SCAI: variants seen among roughly 807,000 people sequenced by gnomAD.
SCAI encodes the protein protein SCAI.
In SCAI, 24 loss-of-function variants were observed where a neutral mutation model predicts 92.2. The observed-to-expected ratio is 0.26, with a 90% CI of 0.19 to 0.37. The LOEUF is 0.37. Among genes scored for constraint, SCAI ranks in the 10% least tolerant of loss-of-function variants. The pLI is 1.00. For synonymous variants in SCAI, 261 were observed against 258.6 expected (o/e 1.01, Z -0.09); for missense variants, 450 against 736.2 (o/e 0.61, Z 4.50).
intron 2 of SCAI, among the ~76,000 whole-genome samples, chr9:125,067,355 T>C (rs1434677029): frequency 6.6e-6 from 1 of 152,070 alleles, no homozygotes; most frequent in Admixed American, 6.6e-5. Flanking sequence ...GAGTGGGCCC[T>C]GAACACAATG....
intron 2 of SCAI, among the ~76,000 whole-genome samples, chr9:125,120,497 A>G (rs1300523203): frequency 6.6e-6 from 1 of 152,196 alleles, no homozygotes; most frequent in African/African-American, 2.4e-5. Flanking sequence ...GTTCGAGACC[A>G]GCCTGGCCAA....
In SCAI at chr9:125,130,046, C is replaced by T. The variant is rs936746726; in HGVS notation, c.98+12587G>A. Among the ~76,000 whole-genome samples, 3 of 151,600 alleles carry T rather than the reference C, an allele frequency of 2.0e-5. No homozygotes were observed. In the South Asian group the frequency reaches 6.3e-4, roughly 32 times the overall value. On this transcript the variant is annotated intron_variant, in intron 2 of 17. Transcript: ENST00000336505. ...CCCGAGTAGCTGGGATTATAGGCGC[C>T]CACCACCACGCCCAGCTAATTTTTG...
chr9:125,009,605 A>C (rs1169755250), intron 9 of SCAI, among the ~76,000 whole-genome samples: 1 of 152,112 alleles, frequency 6.6e-6, no homozygotes, highest in Non-Finnish European at 1.5e-5. Context: ...TAGAAGAGGA[A>C]AAAGAGCATA....
intron 14 of SCAI, among the ~76,000 whole-genome samples, chr9:124,992,074 G>A (rs1020135069): frequency 1.1e-4 from 17 of 151,902 alleles, no homozygotes; most frequent in African/African-American, 3.4e-4. Context: ...ACAAAAACAT[G>A]CCTGGCTAAT....
Position 124,956,560 on chromosome 9 carries a change from A to G in SCAI, c.1675-3607T>C, listed in dbSNP as rs76870062. ...ATCAATTAATGTTATTCACTCCATT[A>G]ACAGAATATATTAGATCAGTAGATG... On this transcript the variant is annotated intron_variant, in intron 17 of 17. Transcript: ENST00000336505. Among the ~76,000 whole-genome samples, 1,121 of 152,290 alleles carry G rather than the reference A, an allele frequency of 7.4e-3. 2 individuals are homozygous for G. The highest frequency in any genetic ancestry group is 0.011 in the Non-Finnish European group (768 of 68,014).
chr9:125,101,661 T>C (rs989644089), intron 2 of SCAI, among the ~76,000 whole-genome samples: 4 of 152,144 alleles, frequency 2.6e-5, no homozygotes, highest in African/African-American at 9.7e-5. Context: ...GGGAATGGTA[T>C]AGGCTGGAGT....
At chr9:125,055,665 G>A (rs1833646315) in intron 3 of SCAI, among the ~76,000 whole-genome samples, 1 of 152,100 alleles carries the variant, frequency 6.6e-6, no homozygotes, top group Non-Finnish European at 1.5e-5. Flanking sequence ...CTCTTTTTAA[G>A]TTGACTAAAA....
At position 125,113,894 on chromosome 9, in the gene SCAI, G is replaced by A. The variant is rs146237880; in HGVS notation, c.98+28739C>T. On this transcript the variant is annotated intron_variant, in intron 2 of 17. Coordinates refer to ENST00000336505, the MANE Select transcript of SCAI (RefSeq NM_001144877.3). ...GGAGAATAGCTTGAAAGCGGGAGGCGGAGTCTGCGGTGAGCCGAGATCACG... is the reference window on the plus strand; with the variant it reads ...GGAGAATAGCTTGAAAGCGGGAGGCAGAGTCTGCGGTGAGCCGAGATCACG... 7.8e-3 allele frequency among the ~76,000 whole-genome samples: 1,186 copies of A among 152,124 alleles called. 7 individuals carry two copies. Among genetic ancestry groups the A allele is most frequent in the Non-Finnish European group, 0.012 (811 of 67,984 alleles).
At chr9:124,982,678 T>C (rs1831910381) in intron 14 of SCAI, among the ~76,000 whole-genome samples, 3 of 65,594 alleles carry the variant, frequency 4.6e-5, no homozygotes, top group African/African-American at 6.9e-5. Flanking sequence ...CGACTCTGTC[T>C]CAAAAAAAAA....
chr9:125,121,736 C>G (rs1835159403), intron 2 of SCAI, among the ~76,000 whole-genome samples: 1 of 152,042 alleles, frequency 6.6e-6, no homozygotes, highest in Non-Finnish European at 1.5e-5. Context: ...CCCTGTAGTC[C>G]CAGCCACTTG....
At position 124,961,652 on chromosome 9, in the gene SCAI, A is replaced by AT. The variant is rs1177807549; in HGVS notation, c.1675-8700_1675-8699insA. 1.9e-4 allele frequency among the ~76,000 whole-genome samples: 28 copies of AT among 150,882 alleles called. 1 individual carries two copies. In the East Asian group the frequency reaches 5.2e-3, roughly 28 times the overall value. On this transcript the variant is annotated intron_variant, in intron 17 of 17. Coordinates refer to ENST00000336505, the MANE Select transcript of SCAI (RefSeq NM_001144877.3). ...GCAACAGAGCAAGACTCCATCTCAA[A>AT]AAAAAAAAAAAAAGATCTACTGATG... is the stretch of plus-strand genomic sequence containing the variant.
intron 9 of SCAI, among the ~76,000 whole-genome samples, chr9:125,006,099 TACAGAATTCTAGCTG>T (rs1832501108): frequency 6.6e-6 from 1 of 152,148 alleles, no homozygotes; most frequent in Non-Finnish European, 1.5e-5. Flanking sequence ...ATTCAGGTCT[TACAGAATTCTAGCTG>T]ACAGAATTAC....
Position 125,097,453 on chromosome 9 carries a change from G to GA in SCAI, c.99-41447dup, listed in dbSNP as rs1180589625. On this transcript the variant is annotated intron_variant, in intron 2 of 17. Coordinates refer to ENST00000336505, the MANE Select transcript of SCAI (RefSeq NM_001144877.3). Reference sequence around the variant, plus strand: ...GTCTCGGGGAAAAAGTAATAATTTAGAAAAAAAAGTAAATAAATTAAATCA... The same window carrying GA: ...GTCTCGGGGAAAAAGTAATAATTTAGAAAAAAAAAGTAAATAAATTAAATCA... Among the ~76,000 whole-genome samples the GA allele has an allele frequency of 3.3e-5, 5 of 151,250 alleles. No homozygotes were observed. The East Asian group carries it at 9.7e-4, about 29-fold the overall frequency.
intron 17 of SCAI, among the ~76,000 whole-genome samples, chr9:124,964,110 G>C (rs1038963131): frequency 6.6e-6 from 1 of 152,070 alleles, no homozygotes; most frequent in Non-Finnish European, 1.5e-5. Context: ...CATTATCATA[G>C]AAGCATCCAT....
chr9:125,026,842 G>A lies in SCAI; in HGVS notation c.482C>T (p.Ser161Leu), dbSNP rs774466360. The A allele has an allele frequency of 2.5e-6, 4 of 1,599,566 alleles. No individual in the cohort carries two copies. Among genetic ancestry groups the A allele is most frequent in the South Asian group, 1.1e-5 (1 of 90,506 alleles). ...FSFYSAIRQRSYYSQVNKEDR... is the reference protein window; with the variant it reads ...FSFYSAIRQRLYYSQVNKEDR... ...CTCTTTATTGACTTGAGAATAATAT[G>A]ATCTCTGTCTGATTGCAGAATAGAA... Residue 161 changes from serine to leucine, a missense_variant, in exon 6 of 18, where the codon TCA becomes TTA. Ser to Leu is a moderately radical substitution (Grantham distance 145). This residue lies in a region of SCAI where 360 missense variants were observed against 601.8 expected (regional missense o/e 0.60). Transcript: ENST00000336505.
intron 3 of SCAI, among the ~76,000 whole-genome samples, chr9:125,052,500 C>T (rs750193652): frequency 2.9e-4 from 44 of 151,762 alleles, no homozygotes; most frequent in Non-Finnish European, 5.4e-4. Context: ...GCAGGAGAAT[C>T]GCTTGGAGGC....
intron 6 of SCAI, among the ~76,000 whole-genome samples, chr9:125,021,177 T>C (rs374441691): frequency 2.6e-5 from 4 of 152,212 alleles, no homozygotes; most frequent in Non-Finnish European, 1.5e-5. Flanking sequence ...GGACTAGATC[T>C]TGGGTGAGAA....
At chr9:125,143,362 C>T (rs1835717052) in intron 1 of SCAI, 23 bp downstream of exon 1, 2 of 1,324,984 alleles carry the variant, frequency 1.5e-6, no homozygotes, top group East Asian at 3.1e-5. Flanking sequence ...TCCCCAACCC[C>T]GGCCTCCACC....
At chr9:125,034,008 G>A (rs971883897) in intron 3 of SCAI, among the ~76,000 whole-genome samples, 3 of 152,140 alleles carry the variant, frequency 2.0e-5, no homozygotes, top group Admixed American at 2.0e-4. Flanking sequence ...TGGGTCACTG[G>A]GAAGAGTTTG....
Sources: gnomAD v4.1 joint callset for allele counts (sites outside exome capture counted in the v4.1 genomes callset) on GRCh38, gnomAD v4.1.1 for gene constraint, gnomAD v4.1.1 regional missense constraint, MANE v1.5 for transcripts, NCBI Gene and HGNC (gene_info 2026-07-23, HGNC 2026-07-21) for gene names.